GNPTAB: variants seen among roughly 807,000 people sequenced by gnomAD.
The protein encoded by GNPTAB is N-acetylglucosamine-1-phosphate transferase subunits alpha and beta.
GNPTAB carries 92 observed loss-of-function variants against 136.6 expected under a neutral mutation model. That is an observed-to-expected ratio of 0.67 (90% CI 0.57 to 0.80). The LOEUF (loss-of-function observed/expected upper bound fraction) is 0.80. Among genes scored for constraint, GNPTAB ranks in the 30% least tolerant of loss-of-function variants. The pLI is 0.00. For synonymous variants in GNPTAB, 512 were observed against 535.1 expected (o/e 0.96, Z 0.60); for missense variants, 1,343 against 1,501.8 (o/e 0.89, Z 1.75).
At chr12:101,784,332 G>A (rs993290783) in intron 5 of GNPTAB, among the ~76,000 whole-genome samples, 1 of 152,328 alleles carries the variant, frequency 6.6e-6, no homozygotes, top group Middle Eastern at 3.4e-3. Flanking sequence ...TGGGACACAA[G>A]GCCTAGCACC....
At chr12:101,752,473 T>C (rs978531316) in intron 19 of GNPTAB, among the ~76,000 whole-genome samples, 1 of 152,204 alleles carries the variant, frequency 6.6e-6, no homozygotes, top group African/African-American at 2.4e-5. Context: ...TTACTCATTA[T>C]AAAGTTTCCT....
Position 101,765,322 on chromosome 12 carries a change from A to C in GNPTAB, c.1613-18T>G. The C allele has an allele frequency of 6.4e-7, 1 of 1,552,034 alleles. No homozygotes were observed. The highest frequency in any genetic ancestry group is 8.9e-7 in the Non-Finnish European group (1 of 1,124,296). On this transcript the variant is annotated intron_variant, in intron 12 of 20. Coordinates refer to ENST00000299314, the MANE Select transcript of GNPTAB (RefSeq NM_024312.5). ...AAAATGATCTAGAGGAAAAAACAGA[A>C]ACATGATTTTTTTTTTAACTGGGCA...
At chr12:101,796,071 T>C (rs1395024983) in intron 2 of GNPTAB, 4 of 587,282 alleles carry the variant, frequency 6.8e-6, no homozygotes, top group African/African-American at 1.9e-5. Context: ...TGAGGCTATT[T>C]GCTCCTCCCT....
chr12:101,770,927 T>A, intron 8 of GNPTAB, 69 bp downstream of exon 8: 1 of 1,427,858 alleles, frequency 7.0e-7, no homozygotes, highest in Non-Finnish European at 9.9e-7. Flanking sequence ...TCTTCTAATA[T>A]AGTAACTTAC....
chr12:101,817,013 G>A (rs540257932), intron 1 of GNPTAB, among the ~76,000 whole-genome samples: 36 of 152,290 alleles, frequency 2.4e-4, no homozygotes, highest in Middle Eastern at 3.4e-3. Flanking sequence ...TGGAGGTAGA[G>A]AATAGAATGG....
In GNPTAB at chr12:101,753,473, A is replaced by C; in HGVS notation, c.3501T>G (p.Val1167=). ...ACATGGATTCATAGAAGTCCCTGAG[A>C]ACAGCCTTCACTGTCTGAGCATCTT... is the stretch of plus-strand genomic sequence containing the variant. ...NHKDAQTVKA[V]LRDFYESMFP... Residue 1167 remains valine, a synonymous_variant, in exon 19 of 21, where the codon GTT becomes GTG. Coordinates refer to ENST00000299314, the MANE Select transcript of GNPTAB (RefSeq NM_024312.5). 6.2e-7 allele frequency: 1 copy of C among 1,613,518 alleles called. No individual in the cohort carries two copies. Among genetic ancestry groups the C allele is most frequent in the Non-Finnish European group, 8.5e-7 (1 of 1,179,454 alleles).
chr12:101,811,565 G>A (rs184778388), intron 1 of GNPTAB, among the ~76,000 whole-genome samples: 3 of 151,802 alleles, frequency 2.0e-5, no homozygotes, highest in East Asian at 1.9e-4. Flanking sequence ...GGCAGAAGGC[G>A]AAGGTGAAAT....
rs560832513 is a variant in GNPTAB, at chr12:101,825,095, T to C, written c.117+5464A>G. On this transcript the variant is annotated intron_variant, in intron 1 of 20. Coordinates refer to ENST00000299314, the MANE Select transcript of GNPTAB (RefSeq NM_024312.5). ...CAACCCACAACATTCTTCTGTCTTC[T>C]GACTTTCTAAGCAATTGTTGTGTAC... Among the ~76,000 whole-genome samples the C allele has an allele frequency of 8.5e-5, 13 of 152,360 alleles. No homozygotes were observed. In the South Asian group the frequency reaches 2.7e-3, roughly 32 times the overall value.
intron 8 of GNPTAB, 52 bp from the exon 9 acceptor site, chr12:101,770,637 C>T (rs776724408): frequency 1.1e-4 from 135 of 1,269,224 alleles, no homozygotes; most frequent in East Asian, 3.0e-4. Flanking sequence ...TAAGTCATAC[C>T]TCCTCCTCTT....
Position 101,771,118 on chromosome 12 carries a change from G to A in GNPTAB, c.811C>T (p.Leu271=). ...TCTTGAAAATCCTTGGGGTTATTCAGTTTTAGAAGCGCTACACTGGCCTCT... is the reference window on the plus strand; with the variant it reads ...TCTTGAAAATCCTTGGGGTTATTCAATTTTAGAAGCGCTACACTGGCCTCT... ...YSEASVALLK[L]NNPKDFQELN... is the part of the protein sequence containing the mutation. Residue 271 remains leucine (L), a synonymous_variant, in exon 8 of 21, where the codon CTG becomes TTG. Transcript: ENST00000299314. 1 of 1,613,860 alleles carries A rather than the reference G, an allele frequency of 6.2e-7. No individual in the cohort carries two copies. The highest frequency in any genetic ancestry group is 8.5e-7 in the Non-Finnish European group (1 of 1,179,846).
chr12:101,808,802 G>A (rs992728167), intron 1 of GNPTAB, among the ~76,000 whole-genome samples: 2 of 152,116 alleles, frequency 1.3e-5, no homozygotes, highest in Non-Finnish European at 2.9e-5. Flanking sequence ...TACAAAATTA[G>A]CTGGGCGTGG....
intron 11 of GNPTAB, among the ~76,000 whole-genome samples, chr12:101,767,439 T>A (rs992533652): frequency 6.6e-6 from 1 of 152,210 alleles, no homozygotes; most frequent in Non-Finnish European, 1.5e-5. Context: ...CTACCAGCAG[T>A]GAGCTCCTAT....
intron 1 of GNPTAB, among the ~76,000 whole-genome samples, chr12:101,822,287 C>T (rs951185592): frequency 6.6e-6 from 1 of 152,174 alleles, no homozygotes; most frequent in African/African-American, 2.4e-5. Context: ...GTGGCGGGAG[C>T]CTGTAGTCCC....
intron 7 of GNPTAB, among the ~76,000 whole-genome samples, chr12:101,776,342 C>T (rs893935780): frequency 2.0e-5 from 3 of 152,136 alleles, no homozygotes; most frequent in African/African-American, 7.2e-5. Context: ...TTATCAAAAG[C>T]TGAATTCTGT....
At chr12:101,814,646 G>A (rs917370273) in intron 1 of GNPTAB, among the ~76,000 whole-genome samples, 2 of 151,918 alleles carry the variant, frequency 1.3e-5, no homozygotes, top group African/African-American at 2.4e-5. Context: ...CTAGTGAGCC[G>A]GGACCATGTC....
intron 1 of GNPTAB, among the ~76,000 whole-genome samples, chr12:101,809,292 C>T (rs957103384): frequency 3.3e-5 from 5 of 152,234 alleles, no homozygotes; most frequent in South Asian, 4.1e-4. Flanking sequence ...AACACCAAGC[C>T]GGGAAAGATG....
At chr12:101,785,640 G>C (rs1334862473) in intron 5 of GNPTAB, 1 of 203,072 alleles carries the variant, frequency 4.9e-6, no homozygotes, top group Non-Finnish European at 1.0e-5. Flanking sequence ...ATATATTTCA[G>C]AATGTAAAGA....
At chr12:101,829,989 T>C (rs955324379) in intron 1 of GNPTAB, among the ~76,000 whole-genome samples, 8 of 145,990 alleles carry the variant, frequency 5.5e-5, no homozygotes, top group Admixed American at 5.4e-4. Flanking sequence ...TTTAAAACCT[T>C]TTGTAACCTC....
intron 1 of GNPTAB, among the ~76,000 whole-genome samples, chr12:101,818,299 T>G (rs1870608764): frequency 6.6e-6 from 1 of 152,088 alleles, no homozygotes; most frequent in Non-Finnish European, 1.5e-5. Flanking sequence ...ATTTCAAGTT[T>G]GCCTACTTGC....
Sources: allele counts gnomAD v4.1 joint callset (sites outside exome capture counted in the v4.1 genomes callset), GRCh38; gene constraint gnomAD v4.1.1; transcripts MANE v1.5; gene names NCBI Gene and HGNC (gene_info 2026-07-23, HGNC 2026-07-21).